Variants in MACROH2A1 observed in about 807,000 individuals in gnomAD.
MACROH2A1 encodes the protein macroH2A.1 histone.
Under a neutral mutation model 31.6 loss-of-function variants are expected in MACROH2A1, and 2 were observed. The observed-to-expected ratio is 0.06, with a 90% CI of 0.03 to 0.20. The LOEUF is 0.20. Among genes scored for constraint, MACROH2A1 ranks in the 10% least tolerant of loss-of-function variants. The pLI is 1.00. For synonymous variants in MACROH2A1, 169 were observed against 189.6 expected, an observed-to-expected ratio of 0.89 and a Z score of 0.89; for missense variants, 230 against 474.0, an observed-to-expected ratio of 0.49 and a Z score of 4.78.
At chr5:135,348,886 A>T (rs1175102275) in intron 6 of MACROH2A1, among the ~76,000 whole-genome samples, 1 of 152,174 alleles carries the variant, frequency 6.6e-6, no homozygotes, top group East Asian at 1.9e-4. Flanking sequence ...GGAAGCTAAT[A>T]ATTCCCCACC....
chr5:135,347,367 G>A (rs904365910), intron 6 of MACROH2A1: 1 of 152,238 alleles, frequency 6.6e-6, no homozygotes, highest in African/African-American at 2.4e-5. Flanking sequence ...GAAACCTGGG[G>A]TGTGCAGATG....
At chr5:135,346,548 G>GT (rs2149751737) in intron 6 of MACROH2A1, 1 of 157,470 alleles carries the variant, frequency 6.4e-6, no homozygotes, top group South Asian at 1.9e-4. Context: ...AGAAGGAAGT[G>GT]TTCATACCTG....
chr5:135,376,716 G>A (rs1360785139), intron 2 of MACROH2A1, among the ~76,000 whole-genome samples: 1 of 152,124 alleles, frequency 6.6e-6, no homozygotes, highest in Non-Finnish European at 1.5e-5. Flanking sequence ...TTCTGTACAG[G>A]GGGAGTGATA....
At chr5:135,336,681 T>C (rs1232824237) in intron 8 of MACROH2A1, among the ~76,000 whole-genome samples, 1 of 152,108 alleles carries the variant, frequency 6.6e-6, no homozygotes, top group Non-Finnish European at 1.5e-5. Flanking sequence ...GCGGCATGTA[T>C]AGTGAAAGAA....
chr5:135,378,805 G>T (rs1161734831), intron 2 of MACROH2A1, among the ~76,000 whole-genome samples: 1 of 152,110 alleles, frequency 6.6e-6, no homozygotes, highest in African/African-American at 2.4e-5. Flanking sequence ...CAGATGTTTT[G>T]GAACTTAACT....
chr5:135,361,134 T>TC (rs1762796260), intron 4 of MACROH2A1: 2 of 237,138 alleles, frequency 8.4e-6, no homozygotes, highest in African/African-American at 2.3e-5. Context: ...TGATGAACCA[T>TC]CTGTCTCCCT....
At chr5:135,386,102 G>T (rs1766366945) in intron 2 of MACROH2A1, among the ~76,000 whole-genome samples, 1 of 152,224 alleles carries the variant, frequency 6.6e-6, no homozygotes, top group Non-Finnish European at 1.5e-5. Context: ...GTTAGACCCA[G>T]AATGTCTAAC....
At chr5:135,335,199 GC>G in intron 8 of MACROH2A1, 58 bp from the exon 9 acceptor site, 1 of 1,366,604 alleles carries the variant, frequency 7.3e-7, no homozygotes. Context: ...TGCAGGACCT[GC>G]CCCACCTTAC....
chr5:135,390,203 G>C (rs991776525), intron 1 of MACROH2A1, among the ~76,000 whole-genome samples: 1 of 152,182 alleles, frequency 6.6e-6, no homozygotes, highest in Non-Finnish European at 1.5e-5. Context: ...ACTTGCCTCT[G>C]CCTTCTGCCA....
intron 1 of MACROH2A1, among the ~76,000 whole-genome samples, chr5:135,394,613 A>G (rs1041035979): frequency 2.0e-5 from 3 of 152,218 alleles, no homozygotes; most frequent in Non-Finnish European, 2.9e-5. Context: ...TCTTATATAC[A>G]GTACTCTGCA....
intron 5 of MACROH2A1, chr5:135,360,147 G>C (rs763370144): frequency 9.8e-6 from 3 of 306,896 alleles, no homozygotes; most frequent in Non-Finnish European, 1.9e-5. Context: ...CCACCACCAA[G>C]GCTTGACTTC....
intron 6 of MACROH2A1, among the ~76,000 whole-genome samples, chr5:135,349,124 G>A (rs1017648361): frequency 2.0e-5 from 3 of 152,152 alleles, no homozygotes; most frequent in African/African-American, 7.2e-5. Context: ...TCAGGCTGCA[G>A]CAGGCAGGCC....
At chr5:135,338,413 G>A (rs1759173605) in intron 8 of MACROH2A1, among the ~76,000 whole-genome samples, 1 of 152,362 alleles carries the variant, frequency 6.6e-6, no homozygotes, top group East Asian at 1.9e-4. Context: ...AAGAGGAGCT[G>A]TCTATAAAGT....
chr5:135,349,106 G>T (rs1483720482), intron 6 of MACROH2A1, among the ~76,000 whole-genome samples: 20 of 152,102 alleles, frequency 1.3e-4, no homozygotes. Flanking sequence ...TGCTGGGCAC[G>T]GCCTTCCTCA....
chr5:135,338,507 G>C (rs1759194508), intron 8 of MACROH2A1, among the ~76,000 whole-genome samples: 1 of 152,296 alleles, frequency 6.6e-6, no homozygotes, highest in Admixed American at 6.5e-5. Context: ...GCTGTGACTG[G>C]GTAACTGCTG....
intron 2 of MACROH2A1, among the ~76,000 whole-genome samples, chr5:135,372,161 A>G (rs1325113362): frequency 6.6e-6 from 1 of 152,188 alleles, no homozygotes; most frequent in Non-Finnish European, 1.5e-5. Flanking sequence ...TGTGCTTGGC[A>G]GGAGGGACCC....
At chr5:135,348,015 G>A (rs1721142595) in intron 6 of MACROH2A1, among the ~76,000 whole-genome samples, 2 of 152,156 alleles carry the variant, frequency 1.3e-5, no homozygotes. Context: ...TTTTATCTTA[G>A]GAAGAGTGTT....
In MACROH2A1 at chr5:135,369,525, A is replaced by T; in HGVS notation, c.358T>A (p.Ser120Thr). 3 of 1,614,006 alleles carry T rather than the reference A, an allele frequency of 1.9e-6. No individual in the cohort carries two copies. Among genetic ancestry groups the T allele is most frequent in the Non-Finnish European group, 2.5e-6 (3 of 1,179,938 alleles). The change falls in exon 4 of 9, where the codon TCC (serine) becomes ACC (threonine). Residue 120 changes from serine to threonine, a missense_variant. Ser to Thr is a moderately conservative substitution (Grantham distance 58, BLOSUM62 1). Coordinates refer to ENST00000511689, the MANE Select transcript of MACROH2A1 (RefSeq NM_138610.3). This position sits in a 1 kb window ranked among gnomAD's most constrained non-coding sequence, Gnocchi z 4.3. ...HPELLAKKRG[S>T]KGKLEAIITP... ...ATGATGGCTTCCAACTTTCCTTTGG[A>T]TCCCCGCTTCTTCGCTAGCAACTCG...
At chr5:135,349,526 T>C (rs1761259714) in intron 6 of MACROH2A1, among the ~76,000 whole-genome samples, 1 of 152,066 alleles carries the variant, frequency 6.6e-6, no homozygotes, top group Non-Finnish European at 1.5e-5. Flanking sequence ...GAGTGATTAG[T>C]CCAAATTGCA....
Sources: gnomAD v4.1 joint callset for allele counts (sites outside exome capture counted in the v4.1 genomes callset) on GRCh38, gnomAD v4.1.1 for gene constraint, Gnocchi (gnomAD v3.1) non-coding constraint, MANE v1.5 for transcripts, NCBI Gene and HGNC (gene_info 2026-07-23, HGNC 2026-07-21) for gene names.